DNER: variants seen among roughly 807,000 people sequenced by gnomAD.
The protein encoded by DNER is delta and Notch-like epidermal growth factor-related receptor.
Under a neutral mutation model 78.2 loss-of-function variants are expected in DNER, and 33 were observed. That is an observed-to-expected ratio of 0.42 (90% confidence interval 0.32 to 0.56). The LOEUF (loss-of-function observed/expected upper bound fraction) is 0.56. Ranked by LOEUF, DNER falls within the 20% of genes least tolerant of loss-of-function variation. DNER has a pLI of 0.11. For synonymous variants in DNER, 417 were observed against 384.8 expected, an observed-to-expected ratio of 1.08 and a Z score of -0.98; for missense variants, 918 against 975.3, an observed-to-expected ratio of 0.94 and a Z score of 0.78.
intron 6 of DNER, among the ~76,000 whole-genome samples, chr2:229,509,095 A>G (rs1009679908): frequency 6.6e-6 from 1 of 152,190 alleles, no homozygotes. Context: ...ATATGTAAAA[A>G]TAGGCTATGC....
intron 4 of DNER, among the ~76,000 whole-genome samples, chr2:229,576,920 G>A (rs1697313968): frequency 6.6e-6 from 1 of 152,050 alleles, no homozygotes; most frequent in African/African-American, 2.4e-5. Context: ...AATCTGAGCT[G>A]GCCTTGGTAT....
chr2:229,672,272 G>T (rs10185857), intron 1 of DNER, among the ~76,000 whole-genome samples: 12,668 of 152,076 alleles, frequency 0.083, 1,288 homozygotes, highest in African/African-American at 0.24. Context: ...AACAGCTATG[G>T]CCAAGACAGC....
intron 1 of DNER, among the ~76,000 whole-genome samples, chr2:229,691,021 A>C (rs1039511232): frequency 6.6e-6 from 1 of 152,304 alleles, no homozygotes; most frequent in African/African-American, 2.4e-5. Context: ...CATCAGTTTG[A>C]GTCTTTTGTT....
chr2:229,388,048 G>C (rs557102260), intron 11 of DNER, among the ~76,000 whole-genome samples: 2 of 152,134 alleles, frequency 1.3e-5, no homozygotes, highest in South Asian at 4.2e-4. Flanking sequence ...AGGAGGGAGT[G>C]GGGGCAGCAG....
rs534719660 is a variant in DNER, at chr2:229,681,075, C to G, written c.276+33073G>C. Among the ~76,000 whole-genome samples, 7 of 152,314 alleles carry G rather than the reference C, an allele frequency of 4.6e-5. No homozygotes were observed. In the South Asian group the frequency reaches 1.5e-3, roughly 32 times the overall value. On this transcript the variant is annotated intron_variant, in intron 1 of 12. Coordinates refer to ENST00000341772, the MANE Select transcript of DNER (RefSeq NM_139072.4). The stretch of plus-strand genomic sequence containing the variant: ...GGGTATGCTGATAAAAGTTTAACAA[C>G]CAGCTCTCTGAGGAAGCTCTGATTT...
chr2:229,478,950 G>C (rs1197097110), intron 6 of DNER, among the ~76,000 whole-genome samples: 1 of 152,052 alleles, frequency 6.6e-6, no homozygotes, highest in Non-Finnish European at 1.5e-5. Flanking sequence ...TGTTCTTCCT[G>C]ATGCTCTCCT....
chr2:229,399,168 A>T (rs1693211846), intron 10 of DNER, among the ~76,000 whole-genome samples: 1 of 151,782 alleles, frequency 6.6e-6, no homozygotes, highest in African/African-American at 2.4e-5. Flanking sequence ...AATCCCAAGA[A>T]ATCTACAAAA....
At chr2:229,521,154 G>A (rs777455741) in intron 5 of DNER, among the ~76,000 whole-genome samples, 43 of 152,262 alleles carry the variant, frequency 2.8e-4, no homozygotes, top group East Asian at 5.8e-4. Context: ...TCCTAACATC[G>A]GAAAGCTCTG....
intron 6 of DNER, 104 bp downstream of exon 6, chr2:229,512,679 A>G: frequency 6.8e-7 from 1 of 1,479,018 alleles, no homozygotes; most frequent in Non-Finnish European, 9.2e-7. Flanking sequence ...TTACTCATGT[A>G]ACCAAGTACC....
chr2:229,571,391 C>T (rs1697216372), intron 4 of DNER, among the ~76,000 whole-genome samples: 1 of 152,110 alleles, frequency 6.6e-6, no homozygotes, highest in Non-Finnish European at 1.5e-5. Context: ...CTCTCACCAT[C>T]TGTCTCCAGC....
chr2:229,598,623 G>A (rs1250187493), intron 1 of DNER, among the ~76,000 whole-genome samples: 2 of 152,122 alleles, frequency 1.3e-5, no homozygotes, highest in Admixed American at 1.3e-4. Context: ...AATAGGAAAC[G>A]AAATTATGAG....
intron 1 of DNER, among the ~76,000 whole-genome samples, chr2:229,610,902 A>G (rs570811277): frequency 2.0e-5 from 3 of 152,380 alleles, no homozygotes; most frequent in African/African-American, 7.2e-5. Context: ...CACAGATTAT[A>G]TTTTTTAAAT....
chr2:229,540,314 G>T (rs568729807), intron 5 of DNER, among the ~76,000 whole-genome samples: 1 of 152,218 alleles, frequency 6.6e-6, no homozygotes, highest in East Asian at 1.9e-4. Context: ...GGAACTGGGG[G>T]TGCAGGGGTT....
chr2:229,512,721 A>G, intron 6 of DNER, 62 bp downstream of exon 6: 1 of 1,568,216 alleles, frequency 6.4e-7, no homozygotes, highest in South Asian at 1.2e-5. Context: ...GTAAATAAAA[A>G]ACAAGAGGTG....
At chr2:229,709,477 G>T (rs1286897583) in intron 1 of DNER, among the ~76,000 whole-genome samples, 1 of 152,036 alleles carries the variant, frequency 6.6e-6, no homozygotes. Context: ...GTTTGTGTGT[G>T]TCTGTGTGTG....
In DNER at chr2:229,585,887, A is replaced by T. The variant is rs1303487809; in HGVS notation, c.818T>A (p.Met273Lys). 7 of 1,613,820 alleles carry T rather than the reference A, an allele frequency of 4.3e-6. No individual in the cohort carries two copies. The highest frequency in any genetic ancestry group is 5.9e-6 in the Non-Finnish European group (7 of 1,179,954). The change falls in exon 4 of 13, where the codon ATG (methionine) becomes AAG (lysine). Residue 273 changes from methionine (M) to lysine (K), a missense_variant. By Grantham distance (95) the Met-to-Lys change is moderately conservative. Coordinates refer to ENST00000341772, the MANE Select transcript of DNER (RefSeq NM_139072.4). Reference protein sequence around the residue: ...ASGGLVLLEEMLALGNNHFIG... With the variant: ...ASGGLVLLEEKLALGNNHFIG... ...AAAGTGATTATTCCCCAAGGCGAGC[A>T]TCTCCTCCAGGAGGACCAGTCCCCC...
chr2:229,651,553 G>A (rs1200504955), intron 1 of DNER, among the ~76,000 whole-genome samples: 2 of 152,186 alleles, frequency 1.3e-5, no homozygotes, highest in African/African-American at 2.4e-5. Context: ...TGAGGGTGCC[G>A]AAGGACCCAG....
At chr2:229,433,587 A>C (rs12694813) in intron 8 of DNER, among the ~76,000 whole-genome samples, 62,913 of 152,090 alleles carry the variant, frequency 0.41, 15,343 homozygotes, top group Non-Finnish European at 0.55. Flanking sequence ...CGGAATGAGG[A>C]TAAACAAGTT....
chr2:229,521,624 T>C (rs1559156157), intron 5 of DNER, among the ~76,000 whole-genome samples: 1 of 152,234 alleles, frequency 6.6e-6, no homozygotes, highest in Non-Finnish European at 1.5e-5. Flanking sequence ...CTTTTAGCCA[T>C]GTAGAGTTTA....
Sources: gnomAD v4.1 joint callset for allele counts (sites outside exome capture counted in the v4.1 genomes callset) on GRCh38, gnomAD v4.1.1 for gene constraint, MANE v1.5 for transcripts, NCBI Gene and HGNC (gene_info 2026-07-23, HGNC 2026-07-21) for gene names.